The following LIPA variants were observed in gnomAD, a reference collection of about 807,000 sequenced individuals.
LIPA encodes the protein lipase A, lysosomal acid type, also known as lysosomal acid lipase/cholesteryl ester hydrolase.
In LIPA, 26 loss-of-function variants were observed where a neutral mutation model predicts 40.6. That is an observed-to-expected ratio of 0.64 (90% CI 0.47 to 0.89). LIPA has a LOEUF of 0.89. LIPA is among the 40% of genes least tolerant of loss of function. The pLI is 0.00. For missense variants in LIPA, 455 were observed against 479.6 expected (o/e 0.95, Z 0.48); for synonymous variants, 188 against 168.4 (o/e 1.12, Z -0.90).
chr10:89,248,862 C>T (rs1286270279), intron 1 of LIPA, among the ~76,000 whole-genome samples: 2 of 152,176 alleles, frequency 1.3e-5, no homozygotes, highest in Non-Finnish European at 2.9e-5. Context: ...CATACCCATT[C>T]ACCTCCTAAC....
intron 2 of LIPA, chr10:89,384,249 G>T (rs1844186339): frequency 6.2e-7 from 1 of 1,614,076 alleles, no homozygotes; most frequent in Non-Finnish European, 8.5e-7. Flanking sequence ...AGCCTAGAGG[G>T]CAAGATAGGG....
At chr10:89,362,545 G>T in intron 2 of LIPA, 1 of 295,290 alleles carries the variant, frequency 3.4e-6, no homozygotes, top group East Asian at 6.4e-5. Flanking sequence ...AAGCAGACAT[G>T]AGTGACCAGT....
At position 89,412,611 on chromosome 10, in the gene LIPA, A is replaced by G. The variant is rs528994792; in HGVS notation, c.61+180T>C. The G allele has an allele frequency of 1.2e-3, 242 of 201,206 alleles. 2 individuals carry two copies. The highest frequency in any genetic ancestry group is 5.5e-3 in the African/African-American group (231 of 42,082). The allele number at this position is 201,206 out of a possible 1,614,324, so 12.5% of individuals were successfully genotyped here. On this transcript the variant is annotated intron_variant, in intron 2 of 8. Transcript: ENST00000371837. ...GCTGCTGCTCACTCTTTGGGTCCACACTGCCTTTATGAGCTGTAACACTCA... is the reference window on the plus strand; with the variant it reads ...GCTGCTGCTCACTCTTTGGGTCCACGCTGCCTTTATGAGCTGTAACACTCA...
chr10:89,295,903 C>T (rs988174004), intron 1 of LIPA, among the ~76,000 whole-genome samples: 1 of 152,242 alleles, frequency 6.6e-6, no homozygotes, highest in African/African-American at 2.4e-5. Context: ...GCTACTAAAT[C>T]AGCTGATGCA....
chr10:89,260,650 C>T (rs1589581506), intron 1 of LIPA, among the ~76,000 whole-genome samples: 1 of 152,128 alleles, frequency 6.6e-6, no homozygotes, highest in African/African-American at 2.4e-5. Flanking sequence ...AGGCCTTTGG[C>T]TGTGTTTTCC....
At chr10:89,392,611 G>A in intron 2 of LIPA, 1 of 1,279,222 alleles carries the variant, frequency 7.8e-7, no homozygotes, top group East Asian at 2.3e-5. Flanking sequence ...CACTGTCTTG[G>A]GGTTTAAACG....
At chr10:89,306,885 G>T in intron 1 of LIPA, 1 of 1,614,056 alleles carries the variant, frequency 6.2e-7, no homozygotes, top group Non-Finnish European at 8.5e-7. Flanking sequence ...TATGGGAAAA[G>T]AAAGTTACTG....
chr10:89,349,832 AT>A (rs1006624866), intron 2 of LIPA, among the ~76,000 whole-genome samples: 4 of 152,170 alleles, frequency 2.6e-5, no homozygotes, highest in African/African-American at 4.8e-5. Context: ...CATAAGAATT[AT>A]TTTGAGTTAA....
At chr10:89,224,749 T>A (rs1464402619) in intron 6 of LIPA, among the ~76,000 whole-genome samples, 1 of 152,212 alleles carries the variant, frequency 6.6e-6, no homozygotes, top group Non-Finnish European at 1.5e-5. Context: ...TCCCATCTCC[T>A]ACATCCTCTG....
intron 4 of LIPA, among the ~76,000 whole-genome samples, chr10:89,227,947 A>T (rs912629557): frequency 1.3e-5 from 2 of 152,246 alleles, no homozygotes; most frequent in African/African-American, 4.8e-5. Flanking sequence ...AGCAGCACCC[A>T]CACCACCAGA....
intron 2 of LIPA, chr10:89,392,534 G>C (rs1844270996): frequency 2.7e-6 from 1 of 368,090 alleles, no homozygotes. Flanking sequence ...GGTTTCCCTA[G>C]GTTTCCAACT....
upstream of LIPA, among the ~76,000 whole-genome samples, chr10:89,347,625 T>C (rs7099668): frequency 0.069 from 10,531 of 152,266 alleles, 914 homozygotes; most frequent in African/African-American, 0.2. Context: ...AGTATTGATC[T>C]CAGTTTTTTC....
At chr10:89,336,036 T>C (rs527637433) in intron 1 of LIPA, among the ~76,000 whole-genome samples, 11 of 151,826 alleles carry the variant, frequency 7.2e-5, no homozygotes, top group African/African-American at 2.7e-4. Flanking sequence ...AACACTTTGG[T>C]ATGTCGAGGC....
At chr10:89,292,306 A>G in intron 1 of LIPA, 1 of 152,216 alleles carries the variant, frequency 6.6e-6, no homozygotes, top group East Asian at 1.9e-4. Context: ...ATCCCTTTGT[A>G]CAGAGGCACT....
chr10:89,391,981 CA>C (rs1844257992), intron 2 of LIPA, among the ~76,000 whole-genome samples: 3 of 152,268 alleles, frequency 2.0e-5, no homozygotes, highest in South Asian at 4.1e-4. Flanking sequence ...TTCAGAATGA[CA>C]GTGTCCATGA....
intron 1 of LIPA, among the ~76,000 whole-genome samples, chr10:89,337,452 T>C (rs12245627): frequency 0.062 from 9,407 of 152,086 alleles, 695 homozygotes; most frequent in African/African-American, 0.18. Flanking sequence ...CTGGCTGGAG[T>C]GTAATGGTGT....
exon 2 of LIPA, chr10:89,412,913 C>CTTTTTT: frequency 7.9e-6 from 2 of 253,718 alleles, no homozygotes; most frequent in Admixed American, 5.2e-5. Flanking sequence ...TCACCAAGAC[C>CTTTTTT]AAAAACCTAC....
chr10:89,343,848 T>C (rs1843893498), upstream of LIPA, among the ~76,000 whole-genome samples: 1 of 152,210 alleles, frequency 6.6e-6, no homozygotes. Context: ...TTTATTATGA[T>C]TTGTTTCTGA....
intron 2 of LIPA, among the ~76,000 whole-genome samples, chr10:89,401,568 T>C (rs1844423951): frequency 6.6e-6 from 1 of 152,160 alleles, no homozygotes; most frequent in South Asian, 2.1e-4. Flanking sequence ...GGAGTTTCGT[T>C]TCTTTATCAA....
Sources: allele counts gnomAD v4.1 joint callset (sites outside exome capture counted in the v4.1 genomes callset), GRCh38; gene constraint gnomAD v4.1.1; transcripts MANE v1.5; gene names NCBI Gene and HGNC (gene_info 2026-07-23, HGNC 2026-07-21).